EHHADH: variants seen among roughly 807,000 people sequenced by gnomAD.
The protein encoded by EHHADH is enoyl-CoA hydratase and 3-hydroxyacyl CoA dehydrogenase.
In EHHADH, 48 loss-of-function variants were observed where a neutral mutation model predicts 64.4. The observed-to-expected ratio is 0.75, with a 90% CI of 0.59 to 0.95. The LOEUF is 0.95. EHHADH is among the 40% of genes least tolerant of loss of function. EHHADH has a pLI of 0.00. For missense variants in EHHADH, 854 were observed against 876.6 expected, an observed-to-expected ratio of 0.97 and a Z score of 0.33; for synonymous variants, 308 against 326.7, an observed-to-expected ratio of 0.94 and a Z score of 0.62.
rs1560021169 is a variant in EHHADH, at chr3:185,241,387, A to T, written c.179-5925T>A. On this transcript the variant is annotated intron_variant, in intron 2 of 6. Transcript: ENST00000231887. ...TTAAGGAATCTCCACACTGTTTTCC[A>T]TAGTAGTTGTACTAGTTTACATTCC... 2.6e-5 allele frequency among the ~76,000 whole-genome samples: 4 copies of T among 152,336 alleles called. No homozygotes were observed. In the South Asian group the frequency reaches 8.3e-4, roughly 32 times the overall value.
chr3:185,239,958 T>C (rs1274279061), intron 2 of EHHADH, among the ~76,000 whole-genome samples: 1 of 152,008 alleles, frequency 6.6e-6, no homozygotes, highest in Non-Finnish European at 1.5e-5. Context: ...TTTTTTGATG[T>C]CTAGTTTGTT....
rs779422506 is a variant in EHHADH at position 185,235,271 on chromosome 3, A to G, written c.351+19T>C. ...AAAAGCCCCACACACCAGCCACTAT[A>G]TAGAGCCTTGGTTGTTACCTCTGCG... On this transcript the variant is annotated intron_variant, in intron 3 of 6. Transcript: ENST00000231887. The G allele has an allele frequency of 3.3e-5, 52 of 1,598,412 alleles. No homozygotes were observed. The highest frequency in any genetic ancestry group is 4.0e-5 in the Non-Finnish European group (47 of 1,173,424).
chr3:185,234,795 ATG>A (rs1465068107), intron 3 of EHHADH, among the ~76,000 whole-genome samples: 1 of 152,238 alleles, frequency 6.6e-6, no homozygotes, highest in African/African-American at 2.4e-5. Context: ...ACTTACCAGA[ATG>A]GAAGTGAAGT....
chr3:185,244,514 C>CA (rs1171878878), intron 2 of EHHADH, among the ~76,000 whole-genome samples: 2 of 152,070 alleles, frequency 1.3e-5, no homozygotes. Context: ...TATGCTGCCT[C>CA]AAAAAATGAG....
chr3:185,213,352 G>T (rs1718600622), intron 5 of EHHADH, among the ~76,000 whole-genome samples: 1 of 151,904 alleles, frequency 6.6e-6, no homozygotes, highest in Non-Finnish European at 1.5e-5. Context: ...GTAATGAGTG[G>T]GGCCCTGCTA....
chr3:185,227,214 A>G (rs1363575976), intron 4 of EHHADH, among the ~76,000 whole-genome samples: 6 of 152,174 alleles, frequency 3.9e-5, no homozygotes, highest in Non-Finnish European at 8.8e-5. Context: ...CTCTTTTACT[A>G]AAAAAGACAG....
intron 6 of EHHADH, 107 bp from the exon 7 acceptor site, chr3:185,193,594 T>C (rs997473182): frequency 1.5e-5 from 19 of 1,305,216 alleles, no homozygotes; most frequent in Non-Finnish European, 1.7e-5. Flanking sequence ...TTTAAAGAGA[T>C]TGAGTCAAGA....
chr3:185,237,256 A>C (rs764183459), intron 2 of EHHADH, among the ~76,000 whole-genome samples: 7 of 152,164 alleles, frequency 4.6e-5, no homozygotes, highest in Non-Finnish European at 7.4e-5. Context: ...TAATTCTAAC[A>C]ATTTTTTAAT....
intron 4 of EHHADH, among the ~76,000 whole-genome samples, chr3:185,224,648 C>T (rs1003269637): frequency 6.6e-6 from 1 of 152,004 alleles, no homozygotes. Context: ...TTAAAACACA[C>T]ATTTACTATC....
rs781751204 is a variant in EHHADH, at chr3:185,192,326, TGGG to T, written c.2069_2071del (p.Pro690del). The T allele has an allele frequency of 2.8e-5, 45 of 1,614,116 alleles. No individual in the cohort carries two copies. The East Asian group carries it at 1.0e-3, about 36-fold the overall frequency. On this transcript the variant is annotated inframe_deletion, in exon 7 of 7. Transcript: ENST00000231887. The stretch of plus-strand genomic sequence containing the variant: ...TTTTAGATAGTCACTTGGCTCCAGT[TGGG>T]GAATATCAGGGTTCTGCCTGTAATA...
At chr3:185,215,475 A>G (rs570850862) in intron 5 of EHHADH, among the ~76,000 whole-genome samples, 1 of 152,332 alleles carries the variant, frequency 6.6e-6, no homozygotes, top group South Asian at 2.1e-4. Context: ...GACAGAAAGT[A>G]GGTCACTGGT....
chr3:185,242,844 T>C (rs1253884018), intron 2 of EHHADH, among the ~76,000 whole-genome samples: 1 of 152,216 alleles, frequency 6.6e-6, no homozygotes, highest in Non-Finnish European at 1.5e-5. Context: ...AAGTCTGCAC[T>C]CCAGATTCCC....
intron 5 of EHHADH, among the ~76,000 whole-genome samples, chr3:185,208,952 C>T (rs941643118): frequency 6.6e-6 from 1 of 152,116 alleles, no homozygotes; most frequent in African/African-American, 2.4e-5. Flanking sequence ...TGTATGATGC[C>T]ATTTAGATCC....
Position 185,192,107 on chromosome 3 carries a change from ATTAT to A in EHHADH, c.*115_*118del. 1 of 1,186,794 alleles carries A rather than the reference ATTAT, an allele frequency of 8.4e-7. No homozygotes were observed. Among genetic ancestry groups the A allele is most frequent in the Non-Finnish European group, 1.2e-6 (1 of 841,962 alleles). The allele number at this position is 1,186,794 out of a possible 1,614,324, so 73.5% of individuals were successfully genotyped here. A position where few individuals can be genotyped will look rare whatever the true frequency, so the allele number is the denominator to read the frequency against. On this transcript the variant is annotated 3_prime_UTR_variant, in exon 7 of 7. Coordinates refer to ENST00000231887, the MANE Select transcript of EHHADH (RefSeq NM_001966.4). ...AGTCGTTACACAGAAGATTCTAATG[ATTAT>A]TTATTTTGCTTTGTATTTCAGAACA... is the stretch of plus-strand genomic sequence containing the variant.
At chr3:185,196,975 C>T (rs1718079623) in intron 6 of EHHADH, among the ~76,000 whole-genome samples, 1 of 150,920 alleles carries the variant, frequency 6.6e-6, no homozygotes, top group Non-Finnish European at 1.5e-5. Flanking sequence ...GCACTCCAGC[C>T]TGGGTGACAG....
At chr3:185,201,825 G>C (rs368398338) in intron 6 of EHHADH, among the ~76,000 whole-genome samples, 17 of 152,112 alleles carry the variant, frequency 1.1e-4, no homozygotes, top group African/African-American at 4.1e-4. Flanking sequence ...CAACAAAATC[G>C]GGAAATCCTC....
At chr3:185,248,157 A>G in intron 2 of EHHADH, 1 of 393,372 alleles carries the variant, frequency 2.5e-6, no homozygotes, top group Non-Finnish European at 4.6e-6. Flanking sequence ...GGTATATATC[A>G]GCAGGTGTAT....
chr3:185,203,794 C>T (rs1718295652), intron 6 of EHHADH, among the ~76,000 whole-genome samples: 2 of 152,032 alleles, frequency 1.3e-5, no homozygotes, highest in Admixed American at 1.3e-4. Context: ...AAATCATCAT[C>T]ATCAGGAAAT....
rs533685974 is a variant in EHHADH at position 185,217,418 on chromosome 3, C to T, written c.568+718G>A. Reference sequence around the variant, plus strand: ...TAATTAGCGGGGCATGGTGGGCGGACGCCTGTATTCCCAGCTACTTGGGCT... The same window carrying T: ...TAATTAGCGGGGCATGGTGGGCGGATGCCTGTATTCCCAGCTACTTGGGCT... On this transcript the variant is annotated intron_variant, in intron 5 of 6. Coordinates refer to ENST00000231887, the MANE Select transcript of EHHADH (RefSeq NM_001966.4). Among the ~76,000 whole-genome samples the T allele has an allele frequency of 9.2e-5, 14 of 151,792 alleles. No individual in the cohort carries two copies. The East Asian group carries it at 2.7e-3, about 30-fold the overall frequency.
Sources: allele counts gnomAD v4.1 joint callset (sites outside exome capture counted in the v4.1 genomes callset), GRCh38; gene constraint gnomAD v4.1.1; transcripts MANE v1.5; gene names NCBI Gene and HGNC (gene_info 2026-07-23, HGNC 2026-07-21).